ZNF208: variants seen among roughly 807,000 people sequenced by gnomAD.
ZNF208 encodes zinc finger protein 208, also known as zinc finger protein 95.
In ZNF208, 10 loss-of-function variants were observed where a neutral mutation model predicts 12.1. That is an observed-to-expected ratio of 0.83 (90% CI 0.51 to 1.40). ZNF208 has a LOEUF of 1.40. Ranked by LOEUF, ZNF208 falls within the 40% of genes most tolerant of loss-of-function variation. The probability of loss-of-function intolerance (pLI) is 0.00; values close to 1 mark genes in which losing one functional copy is unlikely to be tolerated. For missense variants in ZNF208, 1,652 were observed against 1,485.0 expected, an observed-to-expected ratio of 1.11 and a Z score of -1.85; for synonymous variants, 497 against 488.4, an observed-to-expected ratio of 1.02 and a Z score of -0.23.
chr19:22,007,070 G>A (rs1337828264), intron 1 of ZNF208, among the ~76,000 whole-genome samples: 1 of 152,038 alleles, frequency 6.6e-6, no homozygotes, highest in Non-Finnish European at 1.5e-5. Context: ...ATGTTTTCAC[G>A]AATCTGTGTA....
Position 21,972,800 on chromosome 19 carries a change from C to T in ZNF208, c.2234G>A (p.Gly745Glu), listed in dbSNP as rs763924394. The change falls in exon 4 of 4, where the codon GGA becomes GAA. Residue 745 changes from glycine (G) to glutamate (E), a missense_variant. Transcript: ENST00000397126. ...VLTKHKVIHTGEKPYKCEECG... is the reference protein window; with the variant it reads ...VLTKHKVIHTEEKPYKCEECG... ...TTCTTCACATTTGTAGGGTTTCTCT[C>T]CAGTATGAATTACCTTATGTTTAGT... 1 of 1,611,678 alleles carries T rather than the reference C, an allele frequency of 6.2e-7. No individual in the cohort carries two copies. The highest frequency in any genetic ancestry group is 1.1e-5 in the South Asian group (1 of 90,988).
intron 3 of ZNF208, among the ~76,000 whole-genome samples, chr19:21,978,494 A>T (rs1203676337): frequency 1.3e-5 from 2 of 152,234 alleles, no homozygotes; most frequent in Non-Finnish European, 2.9e-5. Flanking sequence ...GACTGTTAAA[A>T]GGAAAACTAA....
chr19:21,974,183 G>T lies in ZNF208; in HGVS notation c.851C>A (p.Pro284His). ...TTTGCCACATTCTTCACATTTGTTG[G>T]GTTTCTCTCCAGTATGAATTATCTT... ...KHKIIHTGEK[P>H]NKCEECGKAF... Residue 284 changes from proline (P) to histidine (H), a missense_variant, in exon 4 of 4, where the codon CCC becomes CAC. Physicochemically the swap from Pro to His is moderately conservative, Grantham distance 77. Transcript: ENST00000397126. The T allele has an allele frequency of 6.2e-7, 1 of 1,604,010 alleles. No homozygotes were observed. Among genetic ancestry groups the T allele is most frequent in the Non-Finnish European group, 8.5e-7 (1 of 1,172,106 alleles).
chr19:21,946,941 G>A (rs1969822021), intron 4 of ZNF208, among the ~76,000 whole-genome samples: 1 of 143,702 alleles, frequency 7.0e-6, no homozygotes, highest in African/African-American at 2.6e-5. Context: ...AGAACTTCCA[G>A]TCTTTTTTTT....
In ZNF208 at chr19:21,971,598, AT is replaced by A. The variant is rs1355169479; in HGVS notation, c.3435del (p.Glu1145AspfsTer21). 1 of 1,611,830 alleles carries A rather than the reference AT, an allele frequency of 6.2e-7. No homozygotes were observed. The highest frequency in any genetic ancestry group is 8.5e-7 in the Non-Finnish European group (1 of 1,179,912). ...HTGEKPYKCE[E>X]CGKAYKWSST... ...GAGGACCACTTATAGGCTTTGCCAC[AT>A]TCTTCACATTTGTAGGGTTTCTCTC... is the stretch of plus-strand genomic sequence containing the variant. On this transcript the variant is annotated frameshift_variant, in exon 4 of 4. Transcript: ENST00000397126. LOFTEE classifies it low-confidence loss of function (END_TRUNC).
At chr19:21,955,020 AG>A (rs1186010363) in intron 4 of ZNF208, among the ~76,000 whole-genome samples, 5 of 152,184 alleles carry the variant, frequency 3.3e-5, no homozygotes, top group Non-Finnish European at 4.4e-5. Flanking sequence ...CTTGTAAGGC[AG>A]GCCTGGTGGT....
At chr19:21,942,467 C>G (rs1365194998) in intron 4 of ZNF208, among the ~76,000 whole-genome samples, 1 of 152,090 alleles carries the variant, frequency 6.6e-6, no homozygotes, top group African/African-American at 2.4e-5. Context: ...GATGGGTAAA[C>G]AAATCTCTTC....
rs1970259489 is a variant in ZNF208 at position 21,970,569 on chromosome 19, G to A, written c.*622C>T. On this transcript the variant is annotated 3_prime_UTR_variant, in exon 4 of 4. Transcript: ENST00000397126. ...TTCTTTTATGAGTAGTAAGGTGTGA[G>A]GACCAGTTGAAGTCTTTATCACATT... The A allele has an allele frequency of 2.7e-6, 2 of 729,072 alleles. No homozygotes were observed. Among genetic ancestry groups the A allele is most frequent in the Admixed American group, 2.4e-5 (1 of 41,630 alleles). 45.2% of individuals were successfully genotyped at this position (729,072 alleles called of 1,614,324 possible).
At chr19:21,942,076 G>A (rs1025498853) in intron 4 of ZNF208, among the ~76,000 whole-genome samples, 2 of 151,990 alleles carry the variant, frequency 1.3e-5, no homozygotes, top group African/African-American at 4.8e-5. Context: ...ACAAATTCAG[G>A]CTTCAGTTAT....
At chr19:21,950,593 A>C (rs1969874332) in intron 4 of ZNF208, among the ~76,000 whole-genome samples, 1 of 151,702 alleles carries the variant, frequency 6.6e-6, no homozygotes, top group South Asian at 2.1e-4. Flanking sequence ...TCCTGGGTTC[A>C]AGCAATTCTC....
In ZNF208 at chr19:21,948,884, A is replaced by G. The variant is rs1158693393; in HGVS notation, c.306-15647T>C. Among the ~76,000 whole-genome samples the G allele has an allele frequency of 3.3e-5, 5 of 152,188 alleles. No individual in the cohort carries two copies. The East Asian group carries it at 7.7e-4, about 23-fold the overall frequency. On this transcript the variant is annotated intron_variant, in intron 4 of 4. Transcript: ENST00000599916. ...AAAAGAGACAGAATCCCCATTCCCAATGAGAATAAAAACAATGACCCTTAA... is the reference window on the plus strand; with the variant it reads ...AAAAGAGACAGAATCCCCATTCCCAGTGAGAATAAAAACAATGACCCTTAA...
intron 4 of ZNF208, among the ~76,000 whole-genome samples, chr19:21,948,958 A>G (rs558067741): frequency 6.6e-6 from 1 of 152,286 alleles, no homozygotes; most frequent in African/African-American, 2.4e-5. Flanking sequence ...GGAAAAGAAA[A>G]CACTTCCTGA....
Position 21,972,001 on chromosome 19 carries a change from G to C in ZNF208, c.3033C>G (p.Asn1011Lys), listed in dbSNP as rs758163213. The change falls in exon 4 of 4, where the codon AAC (asparagine) becomes AAG (lysine). Residue 1011 changes from asparagine (N) to lysine (K), a missense_variant. Transcript: ENST00000397126. ...TATGTTCCATAAGGTTTGATGACCA[G>C]TTGAAAGCTTTGCCACATTCTTCAC... Reference protein sequence around the residue: ...YKCEECGKAFNWSSNLMEHKK... With the variant: ...YKCEECGKAFKWSSNLMEHKK... 94 of 1,610,698 alleles carry C rather than the reference G, an allele frequency of 5.8e-5. No individual in the cohort carries two copies. The highest frequency in any genetic ancestry group is 7.4e-5 in the Non-Finnish European group (87 of 1,178,702).
At chr19:21,955,938 C>T (rs1401512440) in intron 4 of ZNF208, among the ~76,000 whole-genome samples, 8 of 152,190 alleles carry the variant, frequency 5.3e-5, no homozygotes, top group African/African-American at 1.9e-4. Flanking sequence ...TTCAGCTTTT[C>T]TGCTCTGGTT....
rs765489333 is a variant in ZNF208 at position 21,971,854 on chromosome 19, T to C, written c.3180A>G (p.Glu1060=). ...GCCAGCTGAAGGCTTTGCCACATTCTTCACATTTGTAGGGTTTTTCTCCAG... is the reference window on the plus strand; with the variant it reads ...GCCAGCTGAAGGCTTTGCCACATTCCTCACATTTGTAGGGTTTTTCTCCAG... ...THAGEKPYKC[E]ECGKAFSWPS... The change falls in exon 4 of 4, where the codon GAA becomes GAG. Residue 1060 remains glutamate (E), a synonymous_variant. Transcript: ENST00000397126. 2 of 1,613,494 alleles carry C rather than the reference T, an allele frequency of 1.2e-6. No homozygotes were observed. The highest frequency in any genetic ancestry group is 2.7e-5 in the African/African-American group (2 of 74,902).
intron 4 of ZNF208, among the ~76,000 whole-genome samples, chr19:21,951,764 C>T (rs1292569122): frequency 1.3e-5 from 2 of 152,190 alleles, no homozygotes; most frequent in East Asian, 1.9e-4. Context: ...GCATTTTCAA[C>T]TGAGGTACAT....
At chr19:21,985,269 C>T (rs1970614006) in intron 3 of ZNF208, among the ~76,000 whole-genome samples, 1 of 152,066 alleles carries the variant, frequency 6.6e-6, no homozygotes, top group South Asian at 2.1e-4. Context: ...TGTCAGTCAT[C>T]CGTGACAAAA....
chr19:22,008,267 C>A (rs1350010401), intron 1 of ZNF208, among the ~76,000 whole-genome samples: 1 of 144,802 alleles, frequency 6.9e-6, no homozygotes, highest in Non-Finnish European at 1.5e-5. Context: ...CATACCACTG[C>A]ACTCCAGCCT....
rs1188365291 is a variant in ZNF208, at chr19:21,968,134, T to C, written c.*3057A>G. 6.6e-6 allele frequency: 1 copy of C among 152,164 alleles called. No individual in the cohort carries two copies. The highest frequency in any genetic ancestry group is 2.4e-5 in the African/African-American group (1 of 41,462). The allele number at this position is 152,164 out of a possible 1,614,324, so 9.4% of individuals were successfully genotyped here. A position where few individuals can be genotyped will look rare whatever the true frequency, so the allele number is the denominator to read the frequency against. On this transcript the variant is annotated 3_prime_UTR_variant, in exon 4 of 4. Transcript: ENST00000397126. ...GTCTTTTTCCAGGCTTAGAACTCTT[T>C]TGGTGAAACCTTTAAAGTATTCTAG...
Sources: allele counts gnomAD v4.1 joint callset (sites outside exome capture counted in the v4.1 genomes callset), GRCh38; gene constraint gnomAD v4.1.1; transcripts MANE v1.5; gene names NCBI Gene and HGNC (gene_info 2026-07-23, HGNC 2026-07-21).